The following RSU1 variants were observed in gnomAD, a reference collection of about 807,000 sequenced individuals.
The protein encoded by RSU1 is rsu-1.
Under a neutral mutation model 31.1 loss-of-function variants are expected in RSU1, and 26 were observed. The observed-to-expected ratio is 0.84, with a 90% CI of 0.61 to 1.16. RSU1 has a LOEUF of 1.16. Ranked by LOEUF, RSU1 falls within the 50% of genes most tolerant of loss-of-function variation. RSU1 has a pLI of 0.00. For synonymous variants in RSU1, 164 were observed against 136.3 expected, an observed-to-expected ratio of 1.20 and a Z score of -1.41; for missense variants, 320 against 339.1, an observed-to-expected ratio of 0.94 and a Z score of 0.44.
chr10:16,725,597 G>A lies in RSU1; in HGVS notation c.598+26942C>T, dbSNP rs78890859. ...GTGCGCTTATAACAGGGCTTAAGAA[G>A]GGAAGTTCATTCCTCTTGCCCTTCT... is the stretch of plus-strand genomic sequence containing the variant. On this transcript the variant is annotated intron_variant, in intron 7 of 8. Coordinates refer to ENST00000345264, the MANE Select transcript of RSU1 (RefSeq NM_012425.4). 1.3e-3 allele frequency among the ~76,000 whole-genome samples: 203 copies of A among 151,850 alleles called. 2 individuals carry two copies. The East Asian group carries it at 0.037, about 28-fold the overall frequency.
At position 16,768,726 on chromosome 10, in the gene RSU1, G is replaced by T. The variant is rs540984906; in HGVS notation, c.161-4216C>A. Reference sequence around the variant, plus strand: ...TTCCTTCAGGTCCTCCTAAACTGAAGAACTGAATGTGATTCAAGAGTTTTG... The same window carrying T: ...TTCCTTCAGGTCCTCCTAAACTGAATAACTGAATGTGATTCAAGAGTTTTG... On this transcript the variant is annotated intron_variant, in intron 3 of 8. Transcript: ENST00000345264. 6.1e-4 allele frequency among the ~76,000 whole-genome samples: 93 copies of T among 152,316 alleles called. 1 individual carries two copies. The highest frequency in any genetic ancestry group is 1.8e-3 in the Admixed American group (28 of 15,300).
At chr10:16,653,285 G>A (rs1834719002) in intron 8 of RSU1, among the ~76,000 whole-genome samples, 1 of 152,278 alleles carries the variant, frequency 6.6e-6, no homozygotes, top group Admixed American at 6.5e-5. Flanking sequence ...GAAATATACA[G>A]AACAGTTCAG....
At chr10:16,756,855 T>A (rs1216491789) in intron 4 of RSU1, among the ~76,000 whole-genome samples, 1 of 143,198 alleles carries the variant, frequency 7.0e-6, no homozygotes, top group African/African-American at 2.6e-5. Context: ...GTGTGTGATG[T>A]TATGTGTATG....
chr10:16,703,397 G>A (rs1263512392), intron 7 of RSU1, among the ~76,000 whole-genome samples: 1 of 152,204 alleles, frequency 6.6e-6, no homozygotes, highest in Non-Finnish European at 1.5e-5. Context: ...ATTAAGAGTT[G>A]TAAAAATGTT....
intron 2 of RSU1, among the ~76,000 whole-genome samples, chr10:16,810,681 A>G (rs1274976815): frequency 6.6e-6 from 1 of 152,200 alleles, no homozygotes; most frequent in Admixed American, 6.5e-5. Context: ...TCCAAGAAAT[A>G]AAGATATTGT....
In RSU1 at chr10:16,619,594, AC is replaced by A. The variant is rs751352616; in HGVS notation, c.732-26099del. Among the ~76,000 whole-genome samples the A allele has an allele frequency of 2.0e-5, 3 of 152,210 alleles. No homozygotes were observed. In the South Asian group the frequency reaches 6.2e-4, roughly 31 times the overall value. On this transcript the variant is annotated intron_variant, in intron 8 of 8. Coordinates refer to ENST00000345264, the MANE Select transcript of RSU1 (RefSeq NM_012425.4). ...GGAAGTGCCTCGTGTGTTTCCTTGA[AC>A]AAAAGGTGGCAGGACAGAGCCCTCA... is the stretch of plus-strand genomic sequence containing the variant.
chr10:16,687,956 C>G (rs117789460), intron 8 of RSU1, among the ~76,000 whole-genome samples: 2,370 of 152,164 alleles, frequency 0.016, 26 homozygotes, highest in East Asian at 0.054. Flanking sequence ...TCCCTGGGCT[C>G]AAGTGATCCT....
intron 5 of RSU1, among the ~76,000 whole-genome samples, chr10:16,753,972 G>A (rs1196274374): frequency 6.6e-6 from 1 of 151,970 alleles, no homozygotes; most frequent in Non-Finnish European, 1.5e-5. Flanking sequence ...TGTTGCCCAG[G>A]CTGGTCTTGA....
intron 7 of RSU1, among the ~76,000 whole-genome samples, chr10:16,750,438 A>G (rs1359626845): frequency 1.3e-5 from 2 of 152,206 alleles, no homozygotes. Context: ...GTTAATGGAA[A>G]GCCTTACAGA....
chr10:16,621,804 T>A (rs182769664), intron 8 of RSU1, among the ~76,000 whole-genome samples: 2 of 152,270 alleles, frequency 1.3e-5, no homozygotes, highest in Admixed American at 6.5e-5. Context: ...CCACGACACA[T>A]GGGGATTATG....
At chr10:16,675,911 C>A (rs1005059273) in intron 8 of RSU1, among the ~76,000 whole-genome samples, 1 of 152,134 alleles carries the variant, frequency 6.6e-6, no homozygotes, top group African/African-American at 2.4e-5. Context: ...AGGGCTCATT[C>A]TTGGATGGGC....
chr10:16,601,365 G>A (rs1200896277), intron 8 of RSU1, among the ~76,000 whole-genome samples: 1 of 152,216 alleles, frequency 6.6e-6, no homozygotes, highest in Non-Finnish European at 1.5e-5. Flanking sequence ...CCCTAGAAGT[G>A]TCTGAAACTC....
intron 8 of RSU1, among the ~76,000 whole-genome samples, chr10:16,659,810 G>A (rs1834856909): frequency 6.6e-6 from 1 of 152,120 alleles, no homozygotes; most frequent in African/African-American, 2.4e-5. Flanking sequence ...TGTTTTTAAT[G>A]TCTCCTCTTT....
In RSU1 at chr10:16,645,947, T is replaced by C. The variant is rs371419254; in HGVS notation, c.731+49076A>G. 9.0e-5 allele frequency among the ~76,000 whole-genome samples: 4 copies of C among 44,248 alleles called. 2 individuals are homozygous for C. Among genetic ancestry groups the C allele is most frequent in the Admixed American group, 4.8e-4 (2 of 4,138 alleles). 29.0% of individuals were successfully genotyped at this position (44,248 alleles called of 152,430 possible). Reference sequence around the variant, plus strand: ...GTATATACACATATGTGTATATATATGTGTATATACATATATGTGTATATA... The same window carrying C: ...GTATATACACATATGTGTATATATACGTGTATATACATATATGTGTATATA... On this transcript the variant is annotated intron_variant, in intron 8 of 8. Coordinates refer to ENST00000345264, the MANE Select transcript of RSU1 (RefSeq NM_012425.4).
chr10:16,816,080 C>A (rs750528059), intron 2 of RSU1, among the ~76,000 whole-genome samples: 8 of 152,316 alleles, frequency 5.3e-5, no homozygotes, highest in Admixed American at 2.6e-4. Flanking sequence ...ACCAAAGCCA[C>A]GTCAGCCTGA....
intron 8 of RSU1, among the ~76,000 whole-genome samples, chr10:16,629,512 G>A (rs899845485): frequency 6.6e-6 from 1 of 152,094 alleles, no homozygotes; most frequent in Non-Finnish European, 1.5e-5. Flanking sequence ...AGAATTAAAA[G>A]TATCAAGGAA....
intron 7 of RSU1, among the ~76,000 whole-genome samples, chr10:16,730,326 T>C (rs777258767): frequency 3.3e-5 from 5 of 152,180 alleles, no homozygotes; most frequent in Non-Finnish European, 5.9e-5. Flanking sequence ...ACATCCAAAC[T>C]GTATCAACTT....
At chr10:16,787,860 C>A (rs1486494533) in intron 2 of RSU1, among the ~76,000 whole-genome samples, 1 of 152,282 alleles carries the variant, frequency 6.6e-6, no homozygotes, top group Non-Finnish European at 1.5e-5. Context: ...CTAATACACC[C>A]AGTTAATGGC....
intron 8 of RSU1, among the ~76,000 whole-genome samples, chr10:16,694,409 G>GA (rs1215826473): frequency 6.6e-6 from 1 of 151,820 alleles, no homozygotes; most frequent in East Asian, 1.9e-4. Context: ...ATTCACAGAA[G>GA]AAAAAAAATA....
Sources: gnomAD v4.1 joint callset for allele counts (sites outside exome capture counted in the v4.1 genomes callset) on GRCh38, gnomAD v4.1.1 for gene constraint, MANE v1.5 for transcripts, NCBI Gene and HGNC (gene_info 2026-07-23, HGNC 2026-07-21) for gene names.